The following SLC1A5 variants were observed in gnomAD, a reference collection of about 807,000 sequenced individuals.
SLC1A5 encodes solute carrier family 1 member 5.
A neutral mutation model predicts 34.9 loss-of-function variants in SLC1A5; 25 were observed. The ratio of observed to expected loss-of-function variants is 0.72; its 90% CI spans 0.52 to 1.00. The LOEUF is 1.00. Among genes scored for constraint, SLC1A5 ranks in the 50% least tolerant of loss-of-function variants. SLC1A5 has a pLI of 0.00. For missense variants in SLC1A5, 637 were observed against 740.0 expected (o/e 0.86, Z 1.61); for synonymous variants, 351 against 341.2 (o/e 1.03, Z -0.32).
intron 1 of SLC1A5, among the ~76,000 whole-genome samples, chr19:46,786,876 G>A (rs748483968): frequency 3.3e-5 from 5 of 152,172 alleles, no homozygotes; most frequent in Non-Finnish European, 5.9e-5. Flanking sequence ...TGAAATGGGC[G>A]GGAAGCGGAG....
chr19:46,782,341 C>T (rs1382678416), intron 4 of SLC1A5, 42 bp downstream of exon 4: 3 of 810,780 alleles, frequency 3.7e-6, no homozygotes, highest in Non-Finnish European at 4.1e-6. Context: ...CAGACCGACC[C>T]TCCAACCCCA....
intron 7 of SLC1A5, 131 bp downstream of exon 7, chr19:46,776,844 C>T: frequency 2.0e-6 from 2 of 1,009,600 alleles, no homozygotes; most frequent in Non-Finnish European, 2.9e-6. Flanking sequence ...CTCAAGGTTC[C>T]CCCCATTTCC....
chr19:46,782,665 C>T, intron 3 of SLC1A5, 116 bp from the exon 4 acceptor site: 1 of 1,210,496 alleles, frequency 8.3e-7, no homozygotes, highest in Non-Finnish European at 1.2e-6. Context: ...CCTCAGACCC[C>T]TTCCTCCCAA....
Position 46,787,782 on chromosome 19 carries a change from C to G in SLC1A5, c.184G>C (p.Val62Leu). The G allele has an allele frequency of 6.5e-7, 1 of 1,550,232 alleles. No individual in the cohort carries two copies. The highest frequency in any genetic ancestry group is 8.7e-7 in the Non-Finnish European group (1 of 1,149,718). ...NLLVLLTVVA[V>L]VAGVALGLGV... ...AGTCCCAGCGCCACGCCGGCCACCACGGCCACCACTGTCAGCAGCACAAGC... is the reference window on the plus strand; with the variant it reads ...AGTCCCAGCGCCACGCCGGCCACCAGGGCCACCACTGTCAGCAGCACAAGC... The change falls in exon 1 of 8, where the codon GTG becomes CTG. Residue 62 changes from valine (V) to leucine (L), a missense_variant. By Grantham distance (32) the Val-to-Leu change is conservative (BLOSUM62 1). Coordinates refer to ENST00000542575, the MANE Select transcript of SLC1A5 (RefSeq NM_005628.3). The surrounding 1 kb of genome is among the most constrained non-coding windows in gnomAD (Gnocchi z 5.2).
Position 46,775,283 on chromosome 19 carries a change from T to G in SLC1A5, c.*227A>C. On this transcript the variant is annotated 3_prime_UTR_variant, in exon 8 of 8. Coordinates refer to ENST00000542575, the MANE Select transcript of SLC1A5 (RefSeq NM_005628.3). ...CATCTTGCTGTTTTCTAGCCTTGAG[T>G]TGGGGACATGAGTGAGAACTGGGGG... is the stretch of plus-strand genomic sequence containing the variant. 7.8e-7 allele frequency: 1 copy of G among 1,290,194 alleles called. No homozygotes were observed. The highest frequency in any genetic ancestry group is 9.8e-7 in the Non-Finnish European group (1 of 1,016,624). 79.9% of individuals were successfully genotyped at this position (1,290,194 alleles called of 1,614,324 possible).
intron 4 of SLC1A5, among the ~76,000 whole-genome samples, chr19:46,780,445 C>T (rs575693746): frequency 1.3e-5 from 2 of 151,878 alleles, no homozygotes; most frequent in South Asian, 4.2e-4. Flanking sequence ...CCTTTGCCTC[C>T]CAGGTTCAAG....
In SLC1A5 at chr19:46,787,923, C is replaced by G; in HGVS notation, c.43G>C (p.Ala15Pro). The change falls in exon 1 of 8, where the codon GCG (alanine) becomes CCG (proline). Residue 15 changes from alanine to proline, a missense_variant. Physicochemically the swap from Ala to Pro is conservative, Grantham distance 27. Transcript: ENST00000542575. This position sits in a 1 kb window ranked among gnomAD's most constrained non-coding sequence, Gnocchi z 5.2. ...AGGCCCCCGTTGGCGGTGGGCTCCGCCGCTGCGAGCCCCTTGGAGTCTCGA... is the reference window on the plus strand; with the variant it reads ...AGGCCCCCGTTGGCGGTGGGCTCCGGCGCTGCGAGCCCCTTGGAGTCTCGA... ...PPRDSKGLAA[A>P]EPTANGGLAL... The G allele has an allele frequency of 1.3e-6, 2 of 1,576,716 alleles. No homozygotes were observed. Among genetic ancestry groups the G allele is most frequent in the South Asian group, 2.3e-5 (2 of 86,984 alleles).
At chr19:46,784,884 A>C in intron 1 of SLC1A5, 1 of 1,353,864 alleles carries the variant, frequency 7.4e-7, no homozygotes, top group East Asian at 2.8e-5. Flanking sequence ...CCATGCAGCA[A>C]ACTTAATACC....
rs531920331 is a variant in SLC1A5 at position 46,780,176 on chromosome 19, C to CA, written c.825-1269dup. Among the ~76,000 whole-genome samples, 24 of 150,900 alleles carry CA rather than the reference C, an allele frequency of 1.6e-4. 1 individual carries two copies. Among genetic ancestry groups the CA allele is most frequent in the Admixed American group, 1.4e-3 (21 of 15,092 alleles). ...CACCCAGTTTCTTAAACAACAACAA[C>CA]AAAAAAAATGAGCTAGGCTTTGTGG... On this transcript the variant is annotated intron_variant, in intron 4 of 7. Transcript: ENST00000542575.
chr19:46,775,260 T>G lies in SLC1A5; in HGVS notation c.*250A>C. Reference sequence around the variant, plus strand: ...GACGCAGCAGAACATTATTTCTCCATCTTGCTGTTTTCTAGCCTTGAGTTG... The same window carrying G: ...GACGCAGCAGAACATTATTTCTCCAGCTTGCTGTTTTCTAGCCTTGAGTTG... On this transcript the variant is annotated 3_prime_UTR_variant, in exon 8 of 8. Transcript: ENST00000542575. 8.1e-7 allele frequency: 1 copy of G among 1,228,824 alleles called. No homozygotes were observed. The highest frequency in any genetic ancestry group is 1.0e-6 in the Non-Finnish European group (1 of 979,972). The allele number at this position is 1,228,824 out of a possible 1,614,324, so 76.1% of individuals were successfully genotyped here.
At chr19:46,784,808 TC>T in intron 1 of SLC1A5, 3 of 1,422,650 alleles carry the variant, frequency 2.1e-6, no homozygotes, top group Non-Finnish European at 2.7e-6. Flanking sequence ...CATTGTGGGT[TC>T]GGGGTGAGGA....
Position 46,776,908 on chromosome 19 carries a change from C to T in SLC1A5, c.1388+67G>A, listed in dbSNP as rs1209383294. On this transcript the variant is annotated intron_variant, in intron 7 of 7. Coordinates refer to ENST00000542575, the MANE Select transcript of SLC1A5 (RefSeq NM_005628.3). The stretch of plus-strand genomic sequence containing the variant: ...CTTCTGTCCAGAGGCTCTAAGGACT[C>T]TCACTCACTCATCCTCTTTCCCAGG... 22 of 1,518,206 alleles carry T rather than the reference C, an allele frequency of 1.4e-5. No homozygotes were observed. In the Admixed American group the frequency reaches 4.2e-4, roughly 29 times the overall value. 94.0% of individuals were successfully genotyped at this position (1,518,206 alleles called of 1,614,324 possible).
chr19:46,775,604 G>A lies in SLC1A5; in HGVS notation c.1532C>T (p.Pro511Leu), dbSNP rs2122676465. 1 of 1,614,176 alleles carries A rather than the reference G, an allele frequency of 6.2e-7. No homozygotes were observed. Among genetic ancestry groups the A allele is most frequent in the Middle Eastern group, 1.6e-4 (1 of 6,062 alleles). Reference sequence around the variant, plus strand: ...GGGGTTTCCTTCCTCAGTGGGGACTGGCAGCGGATCCAGGGGCAGCTCACT... The same window carrying A: ...GGGGTTTCCTTCCTCAGTGGGGACTAGCAGCGGATCCAGGGGCAGCTCACT... ...VKSELPLDPL[P>L]VPTEEGNPLL... is the part of the protein sequence containing the mutation. The change falls in exon 8 of 8, where the codon CCA (proline) becomes CTA (leucine). Residue 511 changes from proline (P) to leucine (L), a missense_variant. By Grantham distance (98) the Pro-to-Leu change is moderately conservative. Transcript: ENST00000542575.
intron 4 of SLC1A5, 33 bp downstream of exon 4, chr19:46,782,350 C>CCCCCCCCCCCCCCCT: frequency 1.6e-6 from 1 of 631,606 alleles, no homozygotes; most frequent in Non-Finnish European, 2.8e-6. Flanking sequence ...CCTCCAACCC[C>CCCCCCCCCCCCCCCT]ACCCACCCCC....
At chr19:46,782,349 C>CCCCCCCCCCCCCCCCCCCCCACACCCCA in intron 4 of SLC1A5, 34 bp downstream of exon 4, 1 of 592,810 alleles carries the variant, frequency 1.7e-6, no homozygotes, top group Non-Finnish European at 3.0e-6. Context: ...CCCTCCAACC[C>CCCCCCCCCCCCCCCCCCCCCACACCCCA]CACCCACCCC....
At position 46,779,760 on chromosome 19, in the gene SLC1A5, C is replaced by T. The variant is rs933689985; in HGVS notation, c.825-852G>A. Among the ~76,000 whole-genome samples the T allele has an allele frequency of 4.6e-5, 7 of 151,996 alleles. No individual in the cohort carries two copies. In the South Asian group the frequency reaches 1.4e-3, roughly 31 times the overall value. On this transcript the variant is annotated intron_variant, in intron 4 of 7. Transcript: ENST00000542575. ...ACAAAAAATAAAAATAGGCCAGGCA[C>T]GGTGGCTCATACCTGTAATCCCAGC...
chr19:46,775,841 C>G, intron 7 of SLC1A5, 94 bp from the exon 8 acceptor site: 4 of 1,322,092 alleles, frequency 3.0e-6, no homozygotes, highest in East Asian at 5.3e-5. Flanking sequence ...CTCTCTCCCC[C>G]TGGAATCTAA....
At chr19:46,779,254 G>A (rs533295692) in intron 4 of SLC1A5, among the ~76,000 whole-genome samples, 14 of 151,746 alleles carry the variant, frequency 9.2e-5, no homozygotes, top group East Asian at 1.9e-4. Context: ...GAGAAACCCC[G>A]TCTCTACTAA....
At chr19:46,777,508 A>G in intron 5 of SLC1A5, 103 bp from the exon 6 acceptor site, 3 of 1,087,868 alleles carry the variant, frequency 2.8e-6, no homozygotes, top group Non-Finnish European at 2.5e-6. Context: ...CACCCCAACC[A>G]GCCAAAGCCC....
Sources: gnomAD v4.1 joint callset for allele counts (sites outside exome capture counted in the v4.1 genomes callset) on GRCh38, gnomAD v4.1.1 for gene constraint, Gnocchi (gnomAD v3.1) non-coding constraint, MANE v1.5 for transcripts, NCBI Gene and HGNC (gene_info 2026-07-23, HGNC 2026-07-21) for gene names.